TFCP2L1: variants seen among roughly 807,000 people sequenced by gnomAD.
TFCP2L1 encodes transcription factor CP2 like 1.
TFCP2L1 carries 12 observed loss-of-function variants against 72.2 expected under a neutral mutation model. The observed-to-expected ratio is 0.17, with a 90% CI of 0.11 to 0.27. TFCP2L1 has a LOEUF of 0.27. Among genes scored for constraint, TFCP2L1 ranks in the 10% least tolerant of loss-of-function variants. The pLI is 1.00. For synonymous variants in TFCP2L1, 260 were observed against 251.0 expected, an observed-to-expected ratio of 1.04 and a Z score of -0.34; for missense variants, 488 against 624.6, an observed-to-expected ratio of 0.78 and a Z score of 2.33.
At position 121,285,178 on chromosome 2, in the gene TFCP2L1, A is replaced by G. The variant is rs569290100; in HGVS notation, c.-69T>C. ...CAGACGCGGGGCGCGCCGAGGACCC[A>G]GCGGCGGCTTCGCGCTCCGAACCCG... On this transcript the variant is annotated 5_prime_UTR_variant, in exon 1 of 15. Transcript: ENST00000263707. 74 of 1,314,994 alleles carry G rather than the reference A, an allele frequency of 5.6e-5. No homozygotes were observed. In the East Asian group the frequency reaches 2.4e-3, roughly 42 times the overall value. 81.5% of individuals were successfully genotyped at this position (1,314,994 alleles called of 1,614,324 possible). A position where few individuals can be genotyped will look rare whatever the true frequency, so the allele number is the denominator to read the frequency against.
intron 2 of TFCP2L1, among the ~76,000 whole-genome samples, chr2:121,257,659 G>C (rs1216778398): frequency 6.6e-6 from 1 of 152,238 alleles, no homozygotes; most frequent in African/African-American, 2.4e-5. Context: ...TGCATAGCAA[G>C]TATCTTCAGC....
intron 10 of TFCP2L1, among the ~76,000 whole-genome samples, chr2:121,236,768 G>A (rs1420559158): frequency 6.6e-6 from 1 of 152,074 alleles, no homozygotes; most frequent in Non-Finnish European, 1.5e-5. Context: ...TAAGGCAGGT[G>A]CCCACATGGT....
At position 121,232,107 on chromosome 2, in the gene TFCP2L1, T is replaced by TTTTTGTTTTGTTTTG. The variant is rs3835787; in HGVS notation, c.1199-154_1199-140dup. 1.6e-3 allele frequency: 843 copies of TTTTTGTTTTGTTTTG among 533,530 alleles called. 7 individuals are homozygous for TTTTTGTTTTGTTTTG. Among genetic ancestry groups the TTTTTGTTTTGTTTTG allele is most frequent in the African/African-American group, 7.8e-3 (393 of 50,406 alleles). 33.0% of individuals were successfully genotyped at this position (533,530 alleles called of 1,614,324 possible). On this transcript the variant is annotated intron_variant, in intron 12 of 14. Transcript: ENST00000263707. ...GCGGGGCAGGACCACACTGCCACTC[T>TTTTTGTTTTGTTTTG]TTTTGTTTTGTTTTGTTTTGTTTTG...
chr2:121,237,885 G>C, intron 8 of TFCP2L1, 35 bp from the exon 9 acceptor site: 1 of 1,611,468 alleles, frequency 6.2e-7, no homozygotes. Flanking sequence ...GAGGACAGAG[G>C]GGGCTCCCAG....
intron 13 of TFCP2L1, 120 bp from the exon 14 acceptor site, chr2:121,225,733 T>G: frequency 9.7e-7 from 1 of 1,028,508 alleles, no homozygotes; most frequent in South Asian, 1.3e-5. Flanking sequence ...ACTGCCACGG[T>G]GCCCACACAC....
intron 1 of TFCP2L1, among the ~76,000 whole-genome samples, chr2:121,284,513 G>A (rs1057051392): frequency 1.3e-5 from 2 of 152,206 alleles, no homozygotes; most frequent in Non-Finnish European, 2.9e-5. Context: ...GCGAACACGC[G>A]CAAGACCATC....
chr2:121,238,583 G>T (rs569318889), intron 8 of TFCP2L1, among the ~76,000 whole-genome samples: 1 of 152,236 alleles, frequency 6.6e-6, no homozygotes, highest in African/African-American at 2.4e-5. Context: ...GACCCTCGCA[G>T]GGCTGATCCC....
intron 2 of TFCP2L1, among the ~76,000 whole-genome samples, chr2:121,257,380 C>T (rs969325766): frequency 1.3e-5 from 2 of 152,124 alleles, no homozygotes; most frequent in African/African-American, 2.4e-5. Context: ...CACCACCCTA[C>T]AAGAAGGATG....
chr2:121,249,550 A>G (rs1686562524), intron 3 of TFCP2L1, 21 bp downstream of exon 3: 1 of 1,613,146 alleles, frequency 6.2e-7, no homozygotes, highest in Admixed American at 1.7e-5. Flanking sequence ...CGAGGCAATG[A>G]GAACAGCCTG....
intron 2 of TFCP2L1, among the ~76,000 whole-genome samples, chr2:121,263,729 A>G (rs1686874647): frequency 6.6e-6 from 1 of 152,198 alleles, no homozygotes; most frequent in Non-Finnish European, 1.5e-5. Context: ...AAACACATAT[A>G]TCACTGCCAT....
At position 121,224,095 on chromosome 2, in the gene TFCP2L1, G is replaced by A. The variant is rs549415757; in HGVS notation, c.*246C>T. On this transcript the variant is annotated 3_prime_UTR_variant, in exon 15 of 15. Coordinates refer to ENST00000263707, the MANE Select transcript of TFCP2L1 (RefSeq NM_014553.3). ...ACGTCAGGGTTGGACCAATAGAAAAGAACAAGGAACCATTCAAAATCTGGA... is the reference window on the plus strand; with the variant it reads ...ACGTCAGGGTTGGACCAATAGAAAAAAACAAGGAACCATTCAAAATCTGGA... The A allele has an allele frequency of 1.7e-6, 1 of 576,602 alleles. No individual in the cohort carries two copies. Among genetic ancestry groups the A allele is most frequent in the South Asian group, 2.1e-5 (1 of 47,522 alleles). The allele number at this position is 576,602 out of a possible 1,614,324, so 35.7% of individuals were successfully genotyped here.
At position 121,281,222 on chromosome 2, in the gene TFCP2L1, G is replaced by T. The variant is rs773726845; in HGVS notation, c.112C>A (p.Pro38Thr). ...IFKQEEPQLS[P>T]ENEARLPPLQ... ...GGTGGCAGGCGGGCCTCGTTCTCGG[G>T]GGACAGCTGGGGTTCCTCCTGCTTG... The change falls in exon 2 of 15, where the codon CCC becomes ACC. Residue 38 changes from proline to threonine, a missense_variant. Physicochemically the swap from Pro to Thr is conservative, Grantham distance 38. Around this residue, in one of 3 missense-constraint regions of TFCP2L1, gnomAD observed 73 missense variants for 59.7 expected, o/e 1.22. Coordinates refer to ENST00000263707, the MANE Select transcript of TFCP2L1 (RefSeq NM_014553.3). 2.0e-5 allele frequency: 33 copies of T among 1,611,784 alleles called. No individual in the cohort carries two copies. In the Admixed American group the frequency reaches 5.6e-4, roughly 27 times the overall value.
In TFCP2L1 at chr2:121,242,484, CAG is replaced by C. The variant is rs1459636907; in HGVS notation, c.658-17_658-16del. 4 of 1,613,166 alleles carry C rather than the reference CAG, an allele frequency of 2.5e-6. No individual in the cohort carries two copies. The African/African-American group carries it at 5.3e-5, about 22-fold the overall frequency. On this transcript the variant is annotated splice_polypyrimidine_tract_variant and intron_variant, in intron 6 of 14. Transcript: ENST00000263707. The stretch of plus-strand genomic sequence containing the variant: ...GCTCCCTTCGGCTGCGAGCAGAGTA[CAG>C]AGTCCAATCAGCCCAAAACCAACAC...
intron 10 of TFCP2L1, among the ~76,000 whole-genome samples, chr2:121,236,820 C>A (rs1368333013): frequency 6.6e-6 from 1 of 152,160 alleles, no homozygotes; most frequent in East Asian, 1.9e-4. Flanking sequence ...ACTCCTCCCC[C>A]ACCTCCACCC....
chr2:121,224,222 C>A lies in TFCP2L1; in HGVS notation c.*119G>T, dbSNP rs1685978843. On this transcript the variant is annotated 3_prime_UTR_variant, in exon 15 of 15. Coordinates refer to ENST00000263707, the MANE Select transcript of TFCP2L1 (RefSeq NM_014553.3). ...TGCTCTGTAGCTTTCACAGACTGGGCAGGGTCCCTCCTGGCCTCAGCTTGC... is the reference window on the plus strand; with the variant it reads ...TGCTCTGTAGCTTTCACAGACTGGGAAGGGTCCCTCCTGGCCTCAGCTTGC... 5 of 1,152,622 alleles carry A rather than the reference C, an allele frequency of 4.3e-6. 1 individual carries two copies. Among genetic ancestry groups the A allele is most frequent in the South Asian group, 4.1e-5 (3 of 73,034 alleles). The allele number at this position is 1,152,622 out of a possible 1,614,324, so 71.4% of individuals were successfully genotyped here. A position where few individuals can be genotyped will look rare whatever the true frequency, so the allele number is the denominator to read the frequency against.
intron 2 of TFCP2L1, among the ~76,000 whole-genome samples, chr2:121,254,155 A>C (rs1686666490): frequency 6.6e-6 from 1 of 152,222 alleles, no homozygotes; most frequent in South Asian, 2.1e-4. Context: ...GTCTGCACAC[A>C]GTAGGTACTC....
intron 2 of TFCP2L1, among the ~76,000 whole-genome samples, chr2:121,275,409 A>AAAAAAAAAAAG (rs1687127304): frequency 1.3e-5 from 2 of 150,832 alleles, no homozygotes; most frequent in Admixed American, 1.3e-4. Context: ...AAAAAAAAAA[A>AAAAAAAAAAAG]AAAAAAGAAA....
intron 2 of TFCP2L1, among the ~76,000 whole-genome samples, chr2:121,251,120 G>A (rs1004668796): frequency 2.0e-5 from 3 of 151,750 alleles, no homozygotes; most frequent in African/African-American, 7.3e-5. Flanking sequence ...ATTAGCTTTG[G>A]TGGTATGTGA....
intron 13 of TFCP2L1, among the ~76,000 whole-genome samples, chr2:121,230,897 G>A (rs1439205115): frequency 1.3e-5 from 2 of 152,126 alleles, no homozygotes; most frequent in Admixed American, 6.5e-5. Flanking sequence ...GCAATGCAGC[G>A]AGACCCTGTC....
Sources: allele counts gnomAD v4.1 joint callset (sites outside exome capture counted in the v4.1 genomes callset), GRCh38; gene constraint gnomAD v4.1.1; regional missense constraint gnomAD v4.1.1; transcripts MANE v1.5; gene names NCBI Gene and HGNC (gene_info 2026-07-23, HGNC 2026-07-21).